The following GAREM1 variants were observed in gnomAD, a reference collection of about 807,000 sequenced individuals.
GAREM1 encodes GRB2 associated regulator of MAPK1 subtype 1.
A neutral mutation model predicts 71.3 loss-of-function variants in GAREM1; 26 were observed. The observed-to-expected ratio is 0.36, with a 90% CI of 0.27 to 0.51. GAREM1 has a LOEUF of 0.51. GAREM1 is among the 20% of genes least tolerant of loss of function. The probability of loss-of-function intolerance (pLI) is 0.95; values close to 1 mark genes in which losing one functional copy is unlikely to be tolerated. For missense variants in GAREM1, 1,026 were observed against 1,103.1 expected (o/e 0.93, Z 0.99); for synonymous variants, 440 against 433.2 (o/e 1.02, Z -0.20).
At chr18:32,338,922 C>T (rs570346040) in intron 2 of GAREM1, among the ~76,000 whole-genome samples, 117 of 152,164 alleles carry the variant, frequency 7.7e-4, no homozygotes, top group African/African-American at 2.2e-3. Flanking sequence ...CTATAATGTG[C>T]GAGGGGCTCA....
chr18:32,462,602 C>A (rs772859185), intron 1 of GAREM1, among the ~76,000 whole-genome samples: 3 of 152,106 alleles, frequency 2.0e-5, no homozygotes, highest in Admixed American at 2.0e-4. Context: ...CATGCAGAAG[C>A]TTTTTAGTAT....
rs1254198457 is a variant in GAREM1 at position 32,287,489 on chromosome 18, T to C, written c.1108A>G (p.Asn370Asp). 6.2e-7 allele frequency: 1 copy of C among 1,614,204 alleles called. No individual in the cohort carries two copies. Among genetic ancestry groups the C allele is most frequent in the Admixed American group, 1.7e-5 (1 of 60,032 alleles). ...TCATCGCGGGCGTAGCTGAGCGAAT[T>C]GGGCACGTGGTTGTGGCCAGAGCAC... ...GRCSGHNHVP[N>D]SLSYARDELT... The change falls in exon 4 of 6, where the codon AAT (asparagine) becomes GAT (aspartate). Residue 370 changes from asparagine to aspartate, a missense_variant. Coordinates refer to ENST00000269209, the MANE Select transcript of GAREM1 (RefSeq NM_001242409.2). This position sits in a 1 kb window ranked among gnomAD's most constrained non-coding sequence, Gnocchi z 5.9.
intron 1 of GAREM1, among the ~76,000 whole-genome samples, chr18:32,434,124 T>C (rs1167960539): frequency 6.6e-6 from 1 of 152,102 alleles, no homozygotes; most frequent in Non-Finnish European, 1.5e-5. Context: ...CACCCAAATA[T>C]AGCCAATCAG....
chr18:32,314,005 C>T (rs1012997369), intron 2 of GAREM1, among the ~76,000 whole-genome samples: 1 of 151,764 alleles, frequency 6.6e-6, no homozygotes, highest in African/African-American at 2.4e-5. Flanking sequence ...AGCTCATATA[C>T]CACATAGAAA....
intron 5 of GAREM1, among the ~76,000 whole-genome samples, 162 bp downstream of exon 5, chr18:32,270,055 G>C (rs1226450892): frequency 6.6e-6 from 1 of 152,012 alleles, no homozygotes; most frequent in South Asian, 2.1e-4. Context: ...AAACAAACAG[G>C]GGCCCCATCA....
Position 32,436,822 on chromosome 18 carries a change from A to AT in GAREM1, c.121+33485dup, listed in dbSNP as rs1261295866. ...ACTGGGAGGTACTGAAAGGACAGAGATTTTGAAGACAGAGAAACAGTTTCA... is the reference window on the plus strand; with the variant it reads ...ACTGGGAGGTACTGAAAGGACAGAGATTTTTGAAGACAGAGAAACAGTTTCA... On this transcript the variant is annotated intron_variant, in intron 1 of 5. Transcript: ENST00000269209. Among the ~76,000 whole-genome samples, 5 of 152,320 alleles carry AT rather than the reference A, an allele frequency of 3.3e-5. No homozygotes were observed. In the East Asian group the frequency reaches 9.6e-4, roughly 29 times the overall value.
intron 2 of GAREM1, among the ~76,000 whole-genome samples, chr18:32,373,458 T>C (rs114354736): frequency 0.013 from 1,938 of 152,278 alleles, 53 homozygotes; most frequent in African/African-American, 0.045. Flanking sequence ...GATTAGGGCA[T>C]GCGAGTGGAG....
At chr18:32,401,566 TAGATA>T (rs1349677783) in intron 1 of GAREM1, among the ~76,000 whole-genome samples, 5 of 151,240 alleles carry the variant, frequency 3.3e-5, no homozygotes, top group African/African-American at 1.2e-4. Context: ...GAGTTGGGCT[TAGATA>T]AGAGAGAGGC....
chr18:32,294,982 A>G (rs1262595884), intron 3 of GAREM1, among the ~76,000 whole-genome samples: 1 of 152,152 alleles, frequency 6.6e-6, no homozygotes, highest in Non-Finnish European at 1.5e-5. Context: ...AAAAGTTTCT[A>G]CAAATAAAAT....
chr18:32,439,528 A>G (rs747189147), intron 1 of GAREM1, among the ~76,000 whole-genome samples: 2 of 152,204 alleles, frequency 1.3e-5, no homozygotes, highest in Non-Finnish European at 2.9e-5. Flanking sequence ...ACTCAAGAGA[A>G]CATAGCAGAT....
At chr18:32,397,595 A>G (rs34520840) in intron 1 of GAREM1, among the ~76,000 whole-genome samples, 1 of 152,252 alleles carries the variant, frequency 6.6e-6, no homozygotes, top group African/African-American at 2.4e-5. Context: ...TTCAACAAGA[A>G]GAGCTAACTA....
intron 2 of GAREM1, among the ~76,000 whole-genome samples, chr18:32,328,637 T>TATATA (rs1328146527): frequency 6.6e-6 from 1 of 152,206 alleles, no homozygotes; most frequent in Admixed American, 6.5e-5. Flanking sequence ...AAAACATTTT[T>TATATA]ATATAATATG....
At chr18:32,359,464 T>C (rs1275520046) in intron 2 of GAREM1, among the ~76,000 whole-genome samples, 2 of 152,244 alleles carry the variant, frequency 1.3e-5, no homozygotes, top group Non-Finnish European at 2.9e-5. Flanking sequence ...GTTTATACTA[T>C]ACAGTTCACA....
chr18:32,446,308 A>G (rs986433675), intron 1 of GAREM1, among the ~76,000 whole-genome samples: 1 of 152,122 alleles, frequency 6.6e-6, no homozygotes, highest in African/African-American at 2.4e-5. Flanking sequence ...TTGCTGTAAC[A>G]AAATTTTTGT....
At chr18:32,421,588 CA>C (rs2048519872) in intron 1 of GAREM1, among the ~76,000 whole-genome samples, 1 of 152,164 alleles carries the variant, frequency 6.6e-6, no homozygotes, top group African/African-American at 2.4e-5. Context: ...ACAGCAGTAA[CA>C]CTGGTAACGT....
intron 2 of GAREM1, among the ~76,000 whole-genome samples, chr18:32,345,592 G>A (rs1370279483): frequency 6.6e-6 from 1 of 152,158 alleles, no homozygotes; most frequent in African/African-American, 2.4e-5. Context: ...TGGTTAAGTT[G>A]GCAATAAGCA....
intron 2 of GAREM1, among the ~76,000 whole-genome samples, chr18:32,320,481 G>A (rs1007259360): frequency 6.6e-6 from 1 of 152,062 alleles, no homozygotes; most frequent in African/African-American, 2.4e-5. Flanking sequence ...AGTGGAGTTG[G>A]GGGAAAGGAG....
At chr18:32,402,651 A>G (rs568455019) in intron 1 of GAREM1, among the ~76,000 whole-genome samples, 1 of 152,228 alleles carries the variant, frequency 6.6e-6, no homozygotes, top group Non-Finnish European at 1.5e-5. Flanking sequence ...ACAATCTTAT[A>G]TATTTCTCAA....
rs192081654 is a variant in GAREM1 at position 32,427,827 on chromosome 18, G to A, written c.122-34792C>T. ...TCAAAAAATGCCACATCATTTGTGG[G>A]TATATTAAAGCTGTATTTTCTAAAT... On this transcript the variant is annotated intron_variant, in intron 1 of 5. Transcript: ENST00000269209. Among the ~76,000 whole-genome samples, 734 of 151,992 alleles carry A rather than the reference G, an allele frequency of 4.8e-3. 6 individuals carry two copies. The highest frequency in any genetic ancestry group is 0.01 in the Middle Eastern group (3 of 294).
Sources: allele counts gnomAD v4.1 joint callset (sites outside exome capture counted in the v4.1 genomes callset), GRCh38; gene constraint gnomAD v4.1.1; non-coding constraint Gnocchi (gnomAD v3.1); transcripts MANE v1.5; gene names NCBI Gene and HGNC (gene_info 2026-07-23, HGNC 2026-07-21).